Variants in ASPM observed in about 807,000 individuals in gnomAD.
ASPM encodes the protein abnormal spindle-like microcephaly-associated protein.
A neutral mutation model predicts 366.4 loss-of-function variants in ASPM; 256 were observed. The observed-to-expected ratio is 0.70, with a 90% confidence interval of 0.63 to 0.77. The LOEUF is 0.77. Among genes scored for constraint, ASPM ranks in the 30% least tolerant of loss-of-function variants. The pLI is 0.00. For missense variants in ASPM, 4,146 were observed against 4,090.4 expected (o/e 1.01, Z -0.37); for synonymous variants, 1,414 against 1,342.9 (o/e 1.05, Z -1.16).
Position 197,104,359 on chromosome 1 carries a change from T to C in ASPM, c.4892A>G (p.Lys1631Arg), listed in dbSNP as rs778392747. The C allele has an allele frequency of 3.7e-6, 6 of 1,613,126 alleles. No individual in the cohort carries two copies. In the South Asian group the frequency reaches 6.6e-5, roughly 18 times the overall value. ...CAGCACAATGACAGCAGAGCGTGTT[T>C]TCTGGTAAGATGCTAGAACTTTCAT... ...FAMKVLASYQ[K>R]TRSAVIVLQS... The change falls in exon 18 of 28, where the codon AAA becomes AGA. Residue 1631 changes from lysine to arginine, a missense_variant. By Grantham distance (26) the Lys-to-Arg change is conservative (BLOSUM62 2). This residue lies in a region of ASPM where 3,624 missense variants were observed against 3,591.7 expected (regional missense o/e 1.01). Transcript: ENST00000367409.
chr1:197,143,034 T>A lies in ASPM; in HGVS notation c.1218A>T (p.Thr406=). Residue 406 remains threonine, a synonymous_variant, in exon 3 of 28, where the codon ACA becomes ACT. Coordinates refer to ENST00000367409, the MANE Select transcript of ASPM (RefSeq NM_018136.5). ...FLKDNMAYMC[T]SQQTCKVPLS... The stretch of plus-strand genomic sequence containing the variant: ...ATGGTACTTTACATGTTTGCTGAGA[T>A]GTACACATATATGCCATGTTATCTT... The A allele has an allele frequency of 6.2e-7, 1 of 1,613,144 alleles. No homozygotes were observed. The highest frequency in any genetic ancestry group is 1.3e-5 in the African/African-American group (1 of 75,018).
intron 10 of ASPM, 25 bp from the exon 11 acceptor site, chr1:197,125,216 G>A (rs779567663): frequency 1.9e-6 from 3 of 1,612,858 alleles, no homozygotes; most frequent in South Asian, 2.2e-5. Context: ...ATGTTCAGAT[G>A]AAATTATCAT....
chr1:197,105,373 C>T (rs1298290821), intron 17 of ASPM, among the ~76,000 whole-genome samples, 188 bp from the exon 18 acceptor site: 1 of 151,844 alleles, frequency 6.6e-6, no homozygotes, highest in Non-Finnish European at 1.5e-5. Flanking sequence ...TACCTGTAGC[C>T]AATTCAGAAA....
In ASPM at chr1:197,132,299, G is replaced by A. The variant is rs753550302; in HGVS notation, c.2473C>T (p.Arg825Ter). The A allele has an allele frequency of 9.3e-6, 15 of 1,612,526 alleles. No individual in the cohort carries two copies. The highest frequency in any genetic ancestry group is 1.2e-5 in the Non-Finnish European group (14 of 1,179,184). ...WLLSYNPLWL[R>*]IGLETTYGEL... ...TATATGCTTACCTCTAGACCAATTC[G>A]AAGCCACAAAGGATTGTAGGACAAC... Residue 825 changes from arginine to a stop codon, truncating the protein, a stop_gained, in exon 7 of 28, where the codon CGA (arginine) becomes TGA (stop). Transcript: ENST00000367409. LOFTEE classifies it high-confidence loss of function.
rs765054857 is a variant in ASPM, at chr1:197,100,474, T to G, written c.8777A>C (p.Lys2926Thr). 6.3e-7 allele frequency: 1 copy of G among 1,579,494 alleles called. No homozygotes were observed. Among genetic ancestry groups the G allele is most frequent in the Non-Finnish European group, 8.6e-7 (1 of 1,162,186 alleles). ...ATTTTTAATTTCCTGAAACTTCCGTTTCTGTATAAATCCTTTACTTCTAGC... is the reference window on the plus strand; with the variant it reads ...ATTTTTAATTTCCTGAAACTTCCGTGTCTGTATAAATCCTTTACTTCTAGC... ...IQARSKGFIQ[K>T]RKFQEIKNST... Residue 2926 changes from lysine to threonine, a missense_variant, in exon 18 of 28, where the codon AAA becomes ACA. Around this residue, in one of 3 missense-constraint regions of ASPM, gnomAD observed 3,624 missense variants for 3,591.7 expected, o/e 1.01. Transcript: ENST00000367409.
intron 27 of ASPM, 28 bp from the exon 28 acceptor site, chr1:197,084,454 A>G (rs754872469): frequency 1.4e-6 from 2 of 1,458,316 alleles, no homozygotes; most frequent in South Asian, 1.1e-5. Context: ...AAAGTCTGGC[A>G]TTAATAAAGT....
intron 16 of ASPM, among the ~76,000 whole-genome samples, chr1:197,120,819 G>A (rs976214698): frequency 2.0e-5 from 3 of 152,034 alleles, no homozygotes; most frequent in African/African-American, 7.2e-5. Context: ...GGGCACTATA[G>A]GGCACACAGC....
chr1:197,115,362 A>T (rs1402776601), intron 17 of ASPM, among the ~76,000 whole-genome samples: 1 of 152,046 alleles, frequency 6.6e-6, no homozygotes, highest in Non-Finnish European at 1.5e-5. Flanking sequence ...GAAATCTTTA[A>T]CCCATCGAAG....
At chr1:197,142,097 T>C (rs1372068562) in intron 3 of ASPM, among the ~76,000 whole-genome samples, 3 of 152,156 alleles carry the variant, frequency 2.0e-5, no homozygotes, top group Non-Finnish European at 4.4e-5. Flanking sequence ...GTATGTTCCT[T>C]ACTATCAAAG....
At chr1:197,109,323 A>G (rs745917228) in intron 17 of ASPM, among the ~76,000 whole-genome samples, 17 of 152,124 alleles carry the variant, frequency 1.1e-4, no homozygotes, top group Non-Finnish European at 1.9e-4. Context: ...ATATCAATGC[A>G]TATAAAAAAT....
intron 6 of ASPM, among the ~76,000 whole-genome samples, chr1:197,132,628 A>G (rs1658296820): frequency 6.6e-6 from 1 of 152,054 alleles, no homozygotes; most frequent in Admixed American, 6.6e-5. Flanking sequence ...TCTTATGTTC[A>G]TTGCAGCATT....
chr1:197,120,424 G>A (rs1318869686), intron 16 of ASPM, among the ~76,000 whole-genome samples: 1 of 152,062 alleles, frequency 6.6e-6, no homozygotes, highest in East Asian at 1.9e-4. Context: ...CAACTACTCA[G>A]GAGGCTGAGG....
rs1041989659 is a variant in ASPM, at chr1:197,132,429, A to AT, written c.2420-78dup. ...CAAGAAATAAAACTTCAAGGAGAGT[A>AT]TATCAGTGGGAAAAAAATACTTGCT... On this transcript the variant is annotated intron_variant, in intron 6 of 27. Transcript: ENST00000367409. 3.2e-6 allele frequency: 4 copies of AT among 1,231,744 alleles called. No individual in the cohort carries two copies. The African/African-American group carries it at 6.0e-5, about 19-fold the overall frequency. The allele number at this position is 1,231,744 out of a possible 1,614,324, so 76.3% of individuals were successfully genotyped here. A position where few individuals can be genotyped will look rare whatever the true frequency, so the allele number is the denominator to read the frequency against.
At chr1:197,136,829 T>C (rs1459788632) in intron 4 of ASPM, among the ~76,000 whole-genome samples, 1 of 152,172 alleles carries the variant, frequency 6.6e-6, no homozygotes, top group Non-Finnish European at 1.5e-5. Flanking sequence ...AATATTTACT[T>C]ATAAAATTAA....
chr1:197,121,548 T>C (rs145225729), intron 16 of ASPM, among the ~76,000 whole-genome samples: 4 of 152,176 alleles, frequency 2.6e-5, no homozygotes, highest in Non-Finnish European at 5.9e-5. Context: ...CAGCACAGAA[T>C]AAAAAATTAA....
chr1:197,124,882 C>T lies in ASPM; in HGVS notation c.3156G>A (p.Ala1052=), dbSNP rs143680877. The T allele has an allele frequency of 2.4e-5, 38 of 1,604,440 alleles. No individual in the cohort carries two copies. Among genetic ancestry groups the T allele is most frequent in the Middle Eastern group, 3.8e-4 (2 of 5,332 alleles). ...AAATGTATAATACCTGAAAAGCAAA[C>T]GCTATTTTCCAAAGCAACCTGAGAG... is the stretch of plus-strand genomic sequence containing the variant. ...EKTLRLLWKI[A]FAFQVDISLN... Residue 1052 remains alanine (A), a synonymous_variant, in exon 12 of 28, where the codon GCG becomes GCA. Coordinates refer to ENST00000367409, the MANE Select transcript of ASPM (RefSeq NM_018136.5).
rs1442173756 is a variant in ASPM, at chr1:197,101,650, G to C, written c.7601C>G (p.Ala2534Gly). Residue 2534 changes from alanine to glycine, a missense_variant, in exon 18 of 28, where the codon GCT (alanine) becomes GGT (glycine). Around this residue, in one of 3 missense-constraint regions of ASPM, gnomAD observed 3,624 missense variants for 3,591.7 expected, o/e 1.01. Coordinates refer to ENST00000367409, the MANE Select transcript of ASPM (RefSeq NM_018136.5). The stretch of plus-strand genomic sequence containing the variant: ...TTTATATGCAGCCTGAATAACCACA[G>C]CAGAATGCCATTGTCTGATATAATT... ...RENYIRQWHS[A>G]VVIQAAYKGM... The C allele has an allele frequency of 2.5e-6, 4 of 1,611,952 alleles. No homozygotes were observed. The highest frequency in any genetic ancestry group is 1.7e-5 in the Admixed American group (1 of 59,766).
At position 197,102,525 on chromosome 1, in the gene ASPM, A is replaced by G. The variant is rs1327712560; in HGVS notation, c.6726T>C (p.Ser2242=). 6.2e-7 allele frequency: 1 copy of G among 1,612,696 alleles called. No homozygotes were observed. Among genetic ancestry groups the G allele is most frequent in the Non-Finnish European group, 8.5e-7 (1 of 1,179,284 alleles). ...TAAAAATAGCCTGAATGTATATTACAGAATGCCTCAGTTTGTTATACCTTT... is the reference window on the plus strand; with the variant it reads ...TAAAAATAGCCTGAATGTATATTACGGAATGCCTCAGTTTGTTATACCTTT... The part of the protein sequence containing the change: ...QFQRYNKLRH[S]VIYIQAIFRG... The change falls in exon 18 of 28, where the codon TCT becomes TCC. Residue 2242 remains serine, a synonymous_variant. Coordinates refer to ENST00000367409, the MANE Select transcript of ASPM (RefSeq NM_018136.5).
At position 197,084,243 on chromosome 1, in the gene ASPM, G is replaced by A. The variant is rs12677; in HGVS notation, c.*81C>T. 908,844 of 1,029,454 alleles carry A rather than the reference G, an allele frequency of 0.88. 408,003 individuals are homozygous for A. Among genetic ancestry groups the A allele is most frequent in the East Asian group, 1 (41,336 of 41,346 alleles). 63.8% of individuals were successfully genotyped at this position (1,029,454 alleles called of 1,614,324 possible). On this transcript the variant is annotated 3_prime_UTR_variant, in exon 28 of 28. Transcript: ENST00000367409. ...AAGTCAGATTTTAAAAGTTGTACAC[G>A]GAGAGCAAAAATCACTTTACGTACT... is the stretch of plus-strand genomic sequence containing the variant.
Sources: gnomAD v4.1 joint callset for allele counts (sites outside exome capture counted in the v4.1 genomes callset) on GRCh38, gnomAD v4.1.1 for gene constraint, gnomAD v4.1.1 regional missense constraint, MANE v1.5 for transcripts, NCBI Gene and HGNC (gene_info 2026-07-23, HGNC 2026-07-21) for gene names.